GID4: variants seen among roughly 807,000 people sequenced by gnomAD.
The protein encoded by GID4 is GID complex subunit 4 homolog.
In GID4, 7 loss-of-function variants were observed where a neutral mutation model predicts 32.4. The observed-to-expected ratio is 0.22, with a 90% CI of 0.12 to 0.41. The LOEUF (loss-of-function observed/expected upper bound fraction) is 0.41, where lower values mean the gene tolerates loss of function less well. Ranked by LOEUF, GID4 falls within the 10% of genes least tolerant of loss-of-function variation. The pLI is 1.00. For synonymous variants in GID4, 166 were observed against 170.0 expected (o/e 0.98, Z 0.18); for missense variants, 309 against 400.0 (o/e 0.77, Z 1.94).
chr17:18,057,262 T>A (rs1597697349), intron 3 of GID4: 1 of 444,856 alleles, frequency 2.2e-6, no homozygotes, highest in East Asian at 4.5e-5. Flanking sequence ...TGAAACCCCA[T>A]CTCTACCAAA....
At chr17:18,059,901 T>C (rs1381736613) in intron 4 of GID4, among the ~76,000 whole-genome samples, 2 of 151,450 alleles carry the variant, frequency 1.3e-5, no homozygotes, top group African/African-American at 2.4e-5. Flanking sequence ...CTGGCCAACA[T>C]GGTGAAAACC....
At chr17:18,055,133 T>G (rs1454253280) in intron 3 of GID4, among the ~76,000 whole-genome samples, 2 of 148,172 alleles carry the variant, frequency 1.3e-5, no homozygotes, top group African/African-American at 5.0e-5. Flanking sequence ...ATTGTGCCAC[T>G]GCGCTCCAGC....
At chr17:18,046,193 T>G (rs1277431612) in intron 2 of GID4, among the ~76,000 whole-genome samples, 1 of 152,126 alleles carries the variant, frequency 6.6e-6, no homozygotes, top group Non-Finnish European at 1.5e-5. Flanking sequence ...TTGGACAGAG[T>G]GCTGTGCTGG....
At chr17:18,053,528 A>T (rs2044935469) in intron 2 of GID4, among the ~76,000 whole-genome samples, 1 of 152,028 alleles carries the variant, frequency 6.6e-6, no homozygotes. Flanking sequence ...TAGGAGAATC[A>T]CATAAACCCA....
chr17:18,060,968 C>T (rs1208974224), intron 4 of GID4, among the ~76,000 whole-genome samples: 1 of 152,206 alleles, frequency 6.6e-6, no homozygotes, highest in Non-Finnish European at 1.5e-5. Flanking sequence ...CTCCTGACCT[C>T]AGGTGATCCA....
intron 2 of GID4, among the ~76,000 whole-genome samples, chr17:18,053,816 GA>G (rs2044938407): frequency 6.6e-6 from 1 of 152,108 alleles, no homozygotes; most frequent in African/African-American, 2.4e-5. Context: ...TTGTATGCTA[GA>G]ATATTAAAAA....
chr17:18,047,082 G>C (rs961677333), intron 2 of GID4, among the ~76,000 whole-genome samples: 4 of 152,196 alleles, frequency 2.6e-5, no homozygotes, highest in African/African-American at 9.6e-5. Flanking sequence ...CTTAAGACAA[G>C]TTTCTGGCTC....
At chr17:18,057,671 T>G (rs2044981502) in intron 3 of GID4, among the ~76,000 whole-genome samples, 1 of 152,214 alleles carries the variant, frequency 6.6e-6, no homozygotes, top group Non-Finnish European at 1.5e-5. Flanking sequence ...TTTTTGTCTT[T>G]TTTTTAAAAA....
intron 2 of GID4, among the ~76,000 whole-genome samples, chr17:18,046,662 C>T (rs1402290965): frequency 6.6e-6 from 1 of 151,806 alleles, no homozygotes; most frequent in Admixed American, 6.6e-5. Context: ...TGGCTCACAC[C>T]TGTAATCCCA....
In GID4 at chr17:18,053,174, C is replaced by T. The variant is rs191019485; in HGVS notation, c.499-953C>T. Among the ~76,000 whole-genome samples, 374 of 149,284 alleles carry T rather than the reference C, an allele frequency of 2.5e-3. 2 individuals are homozygous for T. The highest frequency in any genetic ancestry group is 8.7e-3 in the African/African-American group (358 of 41,134). ...GATTACAGGCATGCGCCACCACGCCCGGCTAATTTTGTATTTTTAGTAGAG... is the reference window on the plus strand; with the variant it reads ...GATTACAGGCATGCGCCACCACGCCTGGCTAATTTTGTATTTTTAGTAGAG... On this transcript the variant is annotated intron_variant, in intron 2 of 5. Coordinates refer to ENST00000268719, the MANE Select transcript of GID4 (RefSeq NM_024052.5).
intron 3 of GID4, among the ~76,000 whole-genome samples, chr17:18,055,904 T>TCTCGGCTCACTGCAAC (rs1398872151): frequency 1.3e-5 from 2 of 152,218 alleles, no homozygotes; most frequent in Non-Finnish European, 2.9e-5. Context: ...AGTGGCGTAA[T>TCTCGGCTCACTGCAAC]CTCGGCTCAC....
At chr17:18,059,799 G>A (rs2045002349) in intron 4 of GID4, among the ~76,000 whole-genome samples, 1 of 151,984 alleles carries the variant, frequency 6.6e-6, no homozygotes, top group Admixed American at 6.6e-5. Flanking sequence ...TAGGAAGTGG[G>A]GATCGGCCGG....
chr17:18,059,638 C>T (rs1567588878), intron 4 of GID4, among the ~76,000 whole-genome samples: 1 of 152,134 alleles, frequency 6.6e-6, no homozygotes, highest in Non-Finnish European at 1.5e-5. Flanking sequence ...ATCAGGAAGC[C>T]AGTTTGTTAA....
Position 18,039,443 on chromosome 17 carries a change from CTGTGAGTGTCTG to C in GID4, c.-17_-6del, listed in dbSNP as rs2044759541. The C allele has an allele frequency of 7.3e-7, 1 of 1,374,906 alleles. No individual in the cohort carries two copies. Among genetic ancestry groups the C allele is most frequent in the Admixed American group, 3.2e-5 (1 of 30,872 alleles). 85.2% of individuals were successfully genotyped at this position (1,374,906 alleles called of 1,614,324 possible). ...CTGTGTGTGTTTGTGTGTTGTGTGT[CTGTGAGTGTCTG>C]TGTGTGTGTATGTGTGCGCGAGGGC... On this transcript the variant is annotated 5_prime_UTR_variant, in exon 1 of 6. Coordinates refer to ENST00000268719, the MANE Select transcript of GID4 (RefSeq NM_024052.5). The surrounding 1 kb of genome is among the most constrained non-coding windows in gnomAD (Gnocchi z 5.3).
rs564025157 is a variant in GID4 at position 18,047,498 on chromosome 17, C to T, written c.498+2292C>T. On this transcript the variant is annotated intron_variant, in intron 2 of 5. Transcript: ENST00000268719. Reference sequence around the variant, plus strand: ...GAAATGCTAATGGCATTGAGCTCTCCATCGGGAACAAGTAGCCCTTCCTTT... The same window carrying T: ...GAAATGCTAATGGCATTGAGCTCTCTATCGGGAACAAGTAGCCCTTCCTTT... Among the ~76,000 whole-genome samples the T allele has an allele frequency of 1.7e-4, 26 of 152,368 alleles. No homozygotes were observed. In the South Asian group the frequency reaches 5.4e-3, roughly 32 times the overall value.
At chr17:18,042,928 T>A (rs930765077) in intron 1 of GID4, among the ~76,000 whole-genome samples, 1 of 152,246 alleles carries the variant, frequency 6.6e-6, no homozygotes, top group Admixed American at 6.5e-5. Flanking sequence ...GTTGTTGTTG[T>A]TGTTTTGGAG....
At chr17:18,053,771 C>T (rs962524215) in intron 2 of GID4, among the ~76,000 whole-genome samples, 46 of 152,256 alleles carry the variant, frequency 3.0e-4, no homozygotes, top group African/African-American at 1.0e-3. Context: ...TGGGTCTAAC[C>T]TTGGAAAGTA....
Position 18,065,590 on chromosome 17 carries a change from C to T in GID4, c.*347C>T, listed in dbSNP as rs2045054507. ...CCTCCAGCCGAATAGAAGGTCTGCT[C>T]CCGGATCACCCTCAGCCTTGGTGCT... On this transcript the variant is annotated 3_prime_UTR_variant, in exon 6 of 6. Transcript: ENST00000268719. The T allele has an allele frequency of 9.0e-6, 3 of 332,128 alleles. No individual in the cohort carries two copies. Among genetic ancestry groups the T allele is most frequent in the South Asian group, 7.6e-5 (3 of 39,568 alleles). 20.6% of individuals were successfully genotyped at this position (332,128 alleles called of 1,614,324 possible).
rs755156411 is a variant in GID4, at chr17:18,058,822, C to T, written c.607-46C>T. ...ACATAAGCATAGTTCTGAGAGCAGC[C>T]TCTCCTTCTCTCAGTCAATCGGCAC... On this transcript the variant is annotated intron_variant, in intron 3 of 5. Transcript: ENST00000268719. 4 of 1,179,576 alleles carry T rather than the reference C, an allele frequency of 3.4e-6. No homozygotes were observed. In the South Asian group the frequency reaches 3.7e-5, roughly 11 times the overall value. 73.1% of individuals were successfully genotyped at this position (1,179,576 alleles called of 1,614,324 possible). A position where few individuals can be genotyped will look rare whatever the true frequency, so the allele number is the denominator to read the frequency against.
Sources: gnomAD v4.1 joint callset for allele counts (sites outside exome capture counted in the v4.1 genomes callset) on GRCh38, gnomAD v4.1.1 for gene constraint, Gnocchi (gnomAD v3.1) non-coding constraint, MANE v1.5 for transcripts, NCBI Gene and HGNC (gene_info 2026-07-23, HGNC 2026-07-21) for gene names.